NARF: variants seen among roughly 807,000 people sequenced by gnomAD.
NARF encodes iron-only hydrogenase-like protein 2.
A neutral mutation model predicts 48.0 loss-of-function variants in NARF; 41 were observed. The ratio of observed to expected loss-of-function variants is 0.85; its 90% CI spans 0.66 to 1.11. The LOEUF is 1.11. Among genes scored for constraint, NARF ranks in the 50% least tolerant of loss-of-function variants. The pLI is 0.00. For synonymous variants in NARF, 215 were observed against 225.5 expected, an observed-to-expected ratio of 0.95 and a Z score of 0.42; for missense variants, 613 against 590.2, an observed-to-expected ratio of 1.04 and a Z score of -0.40.
Position 82,458,847 on chromosome 17 carries a change from G to T in NARF, c.27+17G>T. On this transcript the variant is annotated intron_variant, in intron 1 of 10. Transcript: ENST00000309794. ...ACGCGCAAGGTGAGCGCCGCGGGCC[G>T]GGGAGGCGCGCGCCTGGTGCTTGTC... 3 of 1,396,808 alleles carry T rather than the reference G, an allele frequency of 2.1e-6. No individual in the cohort carries two copies. The highest frequency in any genetic ancestry group is 1.6e-5 in the South Asian group (1 of 60,720). The allele number at this position is 1,396,808 out of a possible 1,614,324, so 86.5% of individuals were successfully genotyped here.
At chr17:82,481,992 T>TA (rs1436187758) in intron 7 of NARF, 1 of 300,644 alleles carries the variant, frequency 3.3e-6, no homozygotes, top group Non-Finnish European at 6.5e-6. Context: ...TTTCAGATGT[T>TA]AAGAGCCTAC....
Position 82,488,297 on chromosome 17 carries a change from G to GGATTACTTTGGTTT in NARF, c.*140_*141insGATTACTTTGGTTT. 1.5e-6 allele frequency: 2 copies of GGATTACTTTGGTTT among 1,342,850 alleles called. No individual in the cohort carries two copies. The highest frequency in any genetic ancestry group is 2.0e-6 in the Non-Finnish European group (2 of 1,012,382). 83.2% of individuals were successfully genotyped at this position (1,342,850 alleles called of 1,614,324 possible). ...TTACTTTGGTTTCTCCGAGTTCCCT[G>GGATTACTTTGGTTT]CTACCCCGTTTATTGGAGGCCCCTC... On this transcript the variant is annotated 3_prime_UTR_variant, in exon 11 of 11. Coordinates refer to ENST00000309794, the MANE Select transcript of NARF (RefSeq NM_012336.4).
intron 3 of NARF, chr17:82,468,411 G>T (rs1417636077): frequency 4.7e-6 from 1 of 214,526 alleles, no homozygotes; most frequent in Non-Finnish European, 9.3e-6. Flanking sequence ...AGTGGCTATG[G>T]CTGTTCCTAA....
intron 10 of NARF, 148 bp from the exon 11 acceptor site, chr17:82,487,768 C>T (rs1438787153): frequency 5.3e-6 from 4 of 753,182 alleles, no homozygotes; most frequent in Non-Finnish European, 8.5e-6. Flanking sequence ...AGCAACATAG[C>T]AACACCCGCC....
At chr17:82,477,013 G>A (rs2043848013) in intron 5 of NARF, 1 of 152,034 alleles carries the variant, frequency 6.6e-6, no homozygotes, top group African/African-American at 2.4e-5. Context: ...GATTAGAGGT[G>A]TGAGCCACTC....
chr17:82,466,835 C>T (rs1033157126), intron 3 of NARF, among the ~76,000 whole-genome samples: 2 of 151,968 alleles, frequency 1.3e-5, no homozygotes, highest in Non-Finnish European at 2.9e-5. Flanking sequence ...TATTATCCTA[C>T]CTCTCTTATA....
intron 6 of NARF, chr17:82,480,435 C>T (rs1300882546): frequency 1.5e-5 from 6 of 402,170 alleles, no homozygotes; most frequent in Middle Eastern, 3.1e-4. Flanking sequence ...TCAGCCTTCC[C>T]GGTTCTTCCA....
intron 7 of NARF, chr17:82,481,816 A>T (rs1221720251): frequency 7.2e-6 from 3 of 416,920 alleles, no homozygotes; most frequent in African/African-American, 6.4e-5. Context: ...AGTCCATGTA[A>T]GGTACTTATC....
At chr17:82,480,149 C>T (rs1008893163) in intron 6 of NARF, among the ~76,000 whole-genome samples, 2 of 152,240 alleles carry the variant, frequency 1.3e-5, no homozygotes, top group Non-Finnish European at 2.9e-5. Context: ...GGTCACTTGG[C>T]AACTGCTGGC....
At position 82,478,808 on chromosome 17, in the gene NARF, C is replaced by G. The variant is rs770987175; in HGVS notation, c.529C>G (p.Arg177Gly). 1 of 1,613,442 alleles carries G rather than the reference C, an allele frequency of 6.2e-7. No homozygotes were observed. Among genetic ancestry groups the G allele is most frequent in the East Asian group, 2.2e-5 (1 of 44,880 alleles). ...MLTSACPGWVRYAERVLGRPI... is the reference protein window; with the variant it reads ...MLTSACPGWVGYAERVLGRPI... The stretch of plus-strand genomic sequence containing the variant: ...ATCCCTTCTCTCCCCAGGCTGGGTC[C>G]GATACGCCGAGCGGGTGCTGGGTCG... The change falls in exon 6 of 11, where the codon CGA (arginine) becomes GGA (glycine). Residue 177 changes from arginine (R) to glycine (G), a missense_variant. Transcript: ENST00000309794.
intron 4 of NARF, among the ~76,000 whole-genome samples, chr17:82,471,243 C>G (rs1567935160): frequency 6.6e-6 from 1 of 150,858 alleles, no homozygotes; most frequent in Non-Finnish European, 1.5e-5. Context: ...ATCACGAGGT[C>G]AGGAGATTGA....
intron 6 of NARF, chr17:82,480,289 GCACA>G (rs3068087): frequency 5.6e-4 from 207 of 372,348 alleles, no homozygotes; most frequent in Non-Finnish European, 7.6e-4. Flanking sequence ...GCCAGCGCGC[GCACA>G]CACACACACA....
chr17:82,479,106 T>C, intron 6 of NARF, 188 bp downstream of exon 6: 1 of 525,548 alleles, frequency 1.9e-6, no homozygotes, highest in Admixed American at 3.5e-5. Flanking sequence ...ATTCCTCCCT[T>C]CCTCTTACAA....
intron 10 of NARF, among the ~76,000 whole-genome samples, chr17:82,486,101 C>T (rs986426946): frequency 3.3e-5 from 5 of 152,128 alleles, no homozygotes; most frequent in African/African-American, 4.8e-5. Flanking sequence ...TGAGGGGCTC[C>T]CTTGTTGCGT....
At chr17:82,482,149 G>C (rs974535970) in intron 7 of NARF, 1 of 317,192 alleles carries the variant, frequency 3.2e-6, no homozygotes, top group Non-Finnish European at 6.2e-6. Flanking sequence ...TCTGAAAACA[G>C]GTCCCTGCAG....
At chr17:82,481,968 G>A (rs1599850648) in intron 7 of NARF, 2 of 313,344 alleles carry the variant, frequency 6.4e-6, no homozygotes, top group Non-Finnish European at 1.2e-5. Context: ...CTTTACCACG[G>A]TATTGGCCAC....
chr17:82,476,612 TTTTGTA>T (rs1007378390), intron 5 of NARF: 4 of 151,802 alleles, frequency 2.6e-5, no homozygotes, highest in Non-Finnish European at 4.4e-5. Flanking sequence ...CCTGGCTAAT[TTTTGTA>T]TTTGTAATAG....
At chr17:82,472,805 G>A (rs1254088544) in intron 5 of NARF, 107 bp downstream of exon 5, 1 of 1,363,510 alleles carries the variant, frequency 7.3e-7, no homozygotes, top group African/African-American at 1.5e-5. Flanking sequence ...ATCCCACCCA[G>A]CCTTGTAGAC....
intron 10 of NARF, 129 bp from the exon 11 acceptor site, chr17:82,487,787 C>CCCAACA: frequency 4.0e-6 from 3 of 747,600 alleles, no homozygotes; most frequent in Admixed American, 2.6e-5. Context: ...CCCCTCCCGC[C>CCCAACA]CAATCTCTAC....
Sources: allele counts gnomAD v4.1 joint callset (sites outside exome capture counted in the v4.1 genomes callset), GRCh38; gene constraint gnomAD v4.1.1; transcripts MANE v1.5; gene names NCBI Gene and HGNC (gene_info 2026-07-23, HGNC 2026-07-21).